PVT1: variants seen among roughly 807,000 people sequenced by gnomAD.
The protein encoded by PVT1 is CXCR4/PVT1 fusion.
chr8:127,828,544 G>T (rs115685019), intron 2 of PVT1, among the ~76,000 whole-genome samples: 62 of 152,172 alleles, frequency 4.1e-4, no homozygotes, highest in African/African-American at 1.4e-3. Flanking sequence ...AAGCAAACAA[G>T]TCCTGTTTTC....
chr8:128,051,666 A>C (rs940270966), intron 4 of PVT1, among the ~76,000 whole-genome samples: 1 of 151,900 alleles, frequency 6.6e-6, no homozygotes, highest in African/African-American at 2.4e-5. Context: ...ACTAATTTCA[A>C]ATGGCCTGTC....
At chr8:127,963,342 T>C (rs562887905) in intron 3 of PVT1, among the ~76,000 whole-genome samples, 268 of 152,292 alleles carry the variant, frequency 1.8e-3, no homozygotes, top group African/African-American at 6.1e-3. Flanking sequence ...GTGTCCCTGG[T>C]GCTTCTCTCA....
intron 4 of PVT1, among the ~76,000 whole-genome samples, chr8:128,037,675 T>C (rs1053877773): frequency 3.9e-5 from 6 of 152,206 alleles, no homozygotes; most frequent in African/African-American, 1.4e-4. Context: ...GCCTGGGTTC[T>C]GAACCCCAGG....
intron 2 of PVT1, among the ~76,000 whole-genome samples, chr8:127,853,600 G>A (rs948599060): frequency 2.0e-5 from 3 of 152,058 alleles, no homozygotes; most frequent in Non-Finnish European, 4.4e-5. Context: ...GGGCAACATG[G>A]TGAAACCCTG....
At chr8:127,845,091 G>T (rs1397584346) in intron 2 of PVT1, among the ~76,000 whole-genome samples, 1 of 152,140 alleles carries the variant, frequency 6.6e-6, no homozygotes, top group Admixed American at 6.5e-5. Flanking sequence ...GGGGGGTGTT[G>T]GTTGTAGTAG....
chr8:127,959,390 G>T (rs1196982067), intron 3 of PVT1, among the ~76,000 whole-genome samples: 1 of 152,134 alleles, frequency 6.6e-6, no homozygotes, highest in Non-Finnish European at 1.5e-5. Context: ...ATCGAGATCA[G>T]CCTGGCCAAC....
intron 3 of PVT1, among the ~76,000 whole-genome samples, chr8:127,916,593 T>C (rs1025918523): frequency 1.3e-5 from 2 of 152,150 alleles, no homozygotes; most frequent in Non-Finnish European, 2.9e-5. Flanking sequence ...TTCGTTCTGG[T>C]CTCTGGATTT....
intron 2 of PVT1, among the ~76,000 whole-genome samples, chr8:127,807,272 G>A (rs1194046999): frequency 6.6e-6 from 1 of 152,126 alleles, no homozygotes; most frequent in African/African-American, 2.4e-5. Context: ...AAGGGGAGTG[G>A]GCTGATTGTG....
chr8:127,907,581 G>A (rs569975183), intron 3 of PVT1, among the ~76,000 whole-genome samples: 1 of 152,286 alleles, frequency 6.6e-6, no homozygotes, highest in East Asian at 1.9e-4. Context: ...GGGAGCGGGC[G>A]GACAGGGCTG....
At chr8:127,971,465 C>A (rs1036045741) in intron 3 of PVT1, among the ~76,000 whole-genome samples, 4 of 152,208 alleles carry the variant, frequency 2.6e-5, no homozygotes, top group Non-Finnish European at 5.9e-5. Flanking sequence ...TTGAGAAGAC[C>A]GCCTATATCT....
intron 5 of PVT1, among the ~76,000 whole-genome samples, chr8:128,081,349 G>T (rs1814174608): frequency 6.6e-6 from 1 of 152,176 alleles, no homozygotes; most frequent in Admixed American, 6.5e-5. Context: ...AGGTGCTACA[G>T]ACATTCGTAC....
chr8:128,019,459 A>G (rs895057121), intron 4 of PVT1, among the ~76,000 whole-genome samples: 1 of 152,192 alleles, frequency 6.6e-6, no homozygotes, highest in Non-Finnish European at 1.5e-5. Context: ...TAGGTTTGTC[A>G]ATTTCAATGG....
intron 3 of PVT1, among the ~76,000 whole-genome samples, chr8:127,926,102 T>C (rs141628982): frequency 1.1e-4 from 16 of 152,282 alleles, no homozygotes; most frequent in African/African-American, 3.8e-4. Flanking sequence ...CCTCCAGTCA[T>C]GGTCTCTGGC....
chr8:127,950,427 C>T (rs1336811241), intron 3 of PVT1, among the ~76,000 whole-genome samples: 1 of 152,218 alleles, frequency 6.6e-6, no homozygotes, highest in Admixed American at 6.5e-5. Flanking sequence ...GCCAGTTTCC[C>T]AGGTGAGGCT....
chr8:128,000,777 C>T (rs556399156), intron 4 of PVT1, among the ~76,000 whole-genome samples: 7 of 152,240 alleles, frequency 4.6e-5, no homozygotes, highest in East Asian at 1.9e-4. Context: ...GAACCAGCTG[C>T]GTTGTGCTAC....
At chr8:128,090,615 C>A (rs1219673763) in intron 5 of PVT1, among the ~76,000 whole-genome samples, 1 of 152,056 alleles carries the variant, frequency 6.6e-6, no homozygotes, top group Non-Finnish European at 1.5e-5. Flanking sequence ...GGACCCAGGT[C>A]ATATTCTGGG....
intron 3 of PVT1, among the ~76,000 whole-genome samples, chr8:127,958,334 G>T (rs1411785048): frequency 6.6e-6 from 1 of 151,940 alleles, no homozygotes; most frequent in Non-Finnish European, 1.5e-5. Flanking sequence ...CCGCCTCCTG[G>T]GTTCAAGTGA....
intron 3 of PVT1, among the ~76,000 whole-genome samples, chr8:127,955,182 G>T (rs757889360): frequency 9.2e-5 from 14 of 152,178 alleles, no homozygotes; most frequent in Non-Finnish European, 1.9e-4. Flanking sequence ...AGGAAATTTG[G>T]ACAGAGACAC....
chr8:127,943,808 A>C (rs1722942251), intron 3 of PVT1, among the ~76,000 whole-genome samples: 1 of 152,216 alleles, frequency 6.6e-6, no homozygotes, highest in African/African-American at 2.4e-5. Flanking sequence ...GTTGATGGAC[A>C]GTTGGATTTA....
Sources: allele counts gnomAD v4.1 joint callset (sites outside exome capture counted in the v4.1 genomes callset), GRCh38; gene constraint gnomAD v4.1.1; transcripts MANE v1.5; gene names NCBI Gene and HGNC (gene_info 2026-07-23, HGNC 2026-07-21).